Variants in EBF1 observed in about 807,000 individuals in gnomAD.
The protein encoded by EBF1 is EBF transcription factor 1.
Under a neutral mutation model 68.4 loss-of-function variants are expected in EBF1, and 10 were observed. That is an observed-to-expected ratio of 0.15 (90% CI 0.09 to 0.25). The LOEUF is 0.25. Ranked by LOEUF, EBF1 falls within the 10% of genes least tolerant of loss-of-function variation. The probability of loss-of-function intolerance (pLI) is 1.00; values close to 1 mark genes in which losing one functional copy is unlikely to be tolerated. For missense variants in EBF1, 509 were observed against 794.4 expected, an observed-to-expected ratio of 0.64 and a Z score of 4.32; for synonymous variants, 298 against 299.8, an observed-to-expected ratio of 0.99 and a Z score of 0.06.
At chr5:158,858,266 T>C (rs1049836760) in intron 6 of EBF1, among the ~76,000 whole-genome samples, 3 of 152,140 alleles carry the variant, frequency 2.0e-5, no homozygotes, top group African/African-American at 2.4e-5. Context: ...CTAAGAAATT[T>C]AGAAGCTGAG....
intron 6 of EBF1, among the ~76,000 whole-genome samples, chr5:158,958,506 G>A (rs1262728136): frequency 5.3e-5 from 8 of 152,042 alleles, no homozygotes; most frequent in Middle Eastern, 3.4e-3. Flanking sequence ...CTTCCTTCCC[G>A]CCCTGCCCTT....
intron 6 of EBF1, among the ~76,000 whole-genome samples, chr5:158,887,446 T>A (rs1208161244): frequency 6.6e-6 from 1 of 150,920 alleles, no homozygotes; most frequent in Non-Finnish European, 1.5e-5. Flanking sequence ...ACAACTGTAA[T>A]GTTGTTGCAA....
At chr5:158,831,648 CA>C (rs1012405343) in intron 7 of EBF1, among the ~76,000 whole-genome samples, 98 of 151,908 alleles carry the variant, frequency 6.5e-4, no homozygotes, top group African/African-American at 2.2e-3. Flanking sequence ...AAGGAAGTGA[CA>C]AAAAAAGAGG....
chr5:158,774,859 G>T (rs1473471056), intron 10 of EBF1, among the ~76,000 whole-genome samples: 2 of 152,014 alleles, frequency 1.3e-5, no homozygotes, highest in African/African-American at 4.8e-5. Flanking sequence ...CATCAGAAAT[G>T]ATGTGATGTC....
intron 5 of EBF1, among the ~76,000 whole-genome samples, chr5:159,078,825 G>A (rs768768968): frequency 1.6e-4 from 25 of 152,126 alleles, no homozygotes; most frequent in Non-Finnish European, 3.2e-4. Context: ...AGAGAAAAGC[G>A]AACTTATGAG....
chr5:158,883,372 A>G (rs760947591), intron 6 of EBF1, among the ~76,000 whole-genome samples: 5 of 143,494 alleles, frequency 3.5e-5, no homozygotes, highest in African/African-American at 5.0e-5. Flanking sequence ...ACACATACAT[A>G]CATGTATATA....
chr5:158,839,217 A>G (rs1376628806), intron 7 of EBF1, among the ~76,000 whole-genome samples: 2 of 152,214 alleles, frequency 1.3e-5, no homozygotes, highest in African/African-American at 4.8e-5. Context: ...ATCATTTTAG[A>G]GATGTTATGC....
In EBF1 at chr5:158,969,920, A is replaced by AAAGAAAGAAAGAAAG. The variant is rs1554094009; in HGVS notation, c.554+103475_554+103476insCTTTCTTTCTTTCTT. Among the ~76,000 whole-genome samples, 28 of 68,620 alleles carry AAAGAAAGAAAGAAAG rather than the reference A, an allele frequency of 4.1e-4. 1 individual carries two copies. Among genetic ancestry groups the AAAGAAAGAAAGAAAG allele is most frequent in the South Asian group, 1.3e-3 (2 of 1,528 alleles). 45.0% of individuals were successfully genotyped at this position (68,620 alleles called of 152,430 possible). On this transcript the variant is annotated intron_variant, in intron 6 of 15. Transcript: ENST00000313708. Reference sequence around the variant, plus strand: ...AGAAAGAAAGAAAGAAAGAAAGAAAAAAAAAAAAAAGGCTGCTGGAAGTTT... The same window carrying AAAGAAAGAAAGAAAG: ...AGAAAGAAAGAAAGAAAGAAAGAAAAAAGAAAGAAAGAAAGAAAAAAAAAAGGCTGCTGGAAGTTT...
Position 158,708,122 on chromosome 5 carries a change from C to A in EBF1, c.1601G>T (p.Cys534Phe), listed in dbSNP as rs770481832. 1.9e-6 allele frequency: 3 copies of A among 1,589,664 alleles called. No homozygotes were observed. Among genetic ancestry groups the A allele is most frequent in the East Asian group, 4.5e-5 (2 of 44,110 alleles). The change falls in exon 15 of 16, where the codon TGC becomes TTC. Residue 534 changes from cysteine to phenylalanine, a missense_variant. Physicochemically the swap from Cys to Phe is radical, Grantham distance 205. Coordinates refer to ENST00000313708, the MANE Select transcript of EBF1 (RefSeq NM_024007.5). ...GGAGAAGATGCCCGAGGAGCTGCTG[C>A]AGTTGGAGGGGAGGCTTGTGGAGGA... ...MASSTSLPSN[C>F]SSSSGIFSFS...
chr5:158,695,966 GT>G lies in EBF1; in HGVS notation c.*3144del, dbSNP rs1451065107. ...AATTAAATATTGTGAAAGTTGAAAA[GT>G]TTTTACAGCTTGAATTTTTGCAAAA... On this transcript the variant is annotated 3_prime_UTR_variant, in exon 16 of 16. Coordinates refer to ENST00000313708, the MANE Select transcript of EBF1 (RefSeq NM_024007.5). 1.7e-5 allele frequency: 3 copies of G among 180,468 alleles called. No homozygotes were observed. Among genetic ancestry groups the G allele is most frequent in the Non-Finnish European group, 3.4e-5 (3 of 87,286 alleles). 11.2% of individuals were successfully genotyped at this position (180,468 alleles called of 1,614,324 possible). A position where few individuals can be genotyped will look rare whatever the true frequency, so the allele number is the denominator to read the frequency against.
chr5:158,954,753 G>A (rs62385390), intron 6 of EBF1, among the ~76,000 whole-genome samples: 9 of 152,112 alleles, frequency 5.9e-5, no homozygotes, highest in African/African-American at 1.7e-4. Context: ...TATTTATCTC[G>A]CTGAGGCACT....
chr5:158,724,060 A>G (rs942610360), intron 11 of EBF1, among the ~76,000 whole-genome samples: 1 of 152,198 alleles, frequency 6.6e-6, no homozygotes, highest in Non-Finnish European at 1.5e-5. Context: ...CATATTATCA[A>G]ATGGGGAAAT....
intron 4 of EBF1, among the ~76,000 whole-genome samples, chr5:159,088,750 A>G (rs1781140365): frequency 6.6e-6 from 1 of 152,170 alleles, no homozygotes; most frequent in South Asian, 2.1e-4. Flanking sequence ...TAAATAAATC[A>G]ATGTGTTTAT....
intron 6 of EBF1, among the ~76,000 whole-genome samples, chr5:158,938,846 A>C (rs745992044): frequency 1.3e-5 from 2 of 152,220 alleles, no homozygotes; most frequent in Non-Finnish European, 2.9e-5. Context: ...AATATTGGAA[A>C]GACACAAACT....
chr5:159,057,326 C>T (rs1316653246), intron 6 of EBF1, among the ~76,000 whole-genome samples: 2 of 152,074 alleles, frequency 1.3e-5, no homozygotes, highest in Non-Finnish European at 2.9e-5. Flanking sequence ...AGGCTGGTCT[C>T]GAACTCCTAA....
intron 6 of EBF1, among the ~76,000 whole-genome samples, chr5:158,954,239 G>A (rs1816617877): frequency 2.0e-5 from 3 of 151,548 alleles, no homozygotes; most frequent in Non-Finnish European, 2.9e-5. Flanking sequence ...GACCCACCGC[G>A]AAGCTAAAGA....
intron 8 of EBF1, among the ~76,000 whole-genome samples, chr5:158,810,068 A>G (rs1259902917): frequency 6.6e-6 from 1 of 152,216 alleles, no homozygotes; most frequent in Non-Finnish European, 1.5e-5. Flanking sequence ...GTAGAGGAAT[A>G]TGAGGTTTGA....
intron 6 of EBF1, among the ~76,000 whole-genome samples, chr5:159,025,229 G>A (rs1190121470): frequency 6.6e-6 from 1 of 152,146 alleles, no homozygotes; most frequent in Non-Finnish European, 1.5e-5. Flanking sequence ...GCCTTTCTTT[G>A]ACATCAGGTG....
At position 159,067,023 on chromosome 5, in the gene EBF1, G is replaced by A. The variant is rs376192535; in HGVS notation, c.554+6373C>T. ...AGTGACCAAAATACCATCTCTTTAC[G>A]CAGGAACCACTAAATGGAGTTTTTT... is the stretch of plus-strand genomic sequence containing the variant. On this transcript the variant is annotated intron_variant, in intron 6 of 15. Coordinates refer to ENST00000313708, the MANE Select transcript of EBF1 (RefSeq NM_024007.5). Among the ~76,000 whole-genome samples, 40 of 152,170 alleles carry A rather than the reference G, an allele frequency of 2.6e-4. 1 individual carries two copies. The highest frequency in any genetic ancestry group is 2.3e-3 in the East Asian group (12 of 5,180).
Sources: allele counts gnomAD v4.1 joint callset (sites outside exome capture counted in the v4.1 genomes callset), GRCh38; gene constraint gnomAD v4.1.1; transcripts MANE v1.5; gene names NCBI Gene and HGNC (gene_info 2026-07-23, HGNC 2026-07-21).